Variants in PSMD1 observed in about 807,000 individuals in gnomAD.
The protein encoded by PSMD1 is proteasome 26S subunit, non-ATPase 1, also known as 26S proteasome non-ATPase regulatory subunit 1.
Under a neutral mutation model 119.0 loss-of-function variants are expected in PSMD1, and 18 were observed. That is an observed-to-expected ratio of 0.15 (90% CI 0.10 to 0.22). The LOEUF is 0.22. Ranked by LOEUF, PSMD1 falls within the 10% of genes least tolerant of loss-of-function variation. PSMD1 has a pLI of 1.00. For missense variants in PSMD1, 702 were observed against 1,158.5 expected, an observed-to-expected ratio of 0.61 and a Z score of 5.72; for synonymous variants, 374 against 396.6, an observed-to-expected ratio of 0.94 and a Z score of 0.68.
At chr2:231,131,405 A>T (rs925624040) in intron 16 of PSMD1, among the ~76,000 whole-genome samples, 2 of 152,236 alleles carry the variant, frequency 1.3e-5, no homozygotes, top group African/African-American at 2.4e-5. Flanking sequence ...GTGTATATAT[A>T]AAGATTAATG....
intron 21 of PSMD1, 39 bp from the exon 22 acceptor site, chr2:231,165,161 G>C (rs1553570054): frequency 1.3e-6 from 2 of 1,521,406 alleles, no homozygotes; most frequent in Non-Finnish European, 1.8e-6. Context: ...TTGTATGTCA[G>C]TAAGGGATTA....
In PSMD1 at chr2:231,158,852, G is replaced by A. The variant is rs954547220; in HGVS notation, c.2219-2488G>A. Among the ~76,000 whole-genome samples, 6 of 152,102 alleles carry A rather than the reference G, an allele frequency of 3.9e-5. No individual in the cohort carries two copies. The East Asian group carries it at 1.2e-3, about 29-fold the overall frequency. Reference sequence around the variant, plus strand: ...ATATAGTTAGCATTCAGTGAATGGGGGTTAGCGTAGGGAAGAGTACAAGTA... The same window carrying A: ...ATATAGTTAGCATTCAGTGAATGGGAGTTAGCGTAGGGAAGAGTACAAGTA... On this transcript the variant is annotated intron_variant, in intron 19 of 24. Transcript: ENST00000308696.
rs375034521 is a variant in PSMD1 at position 231,157,769 on chromosome 2, G to A, written c.2219-3571G>A. Among the ~76,000 whole-genome samples, 18 of 151,822 alleles carry A rather than the reference G, an allele frequency of 1.2e-4. No homozygotes were observed. In the East Asian group the frequency reaches 2.6e-3, roughly 22 times the overall value. On this transcript the variant is annotated intron_variant, in intron 19 of 24. Transcript: ENST00000308696. ...TTTAGTGGAGACTAGGTTTCACCGT[G>A]TTGCCTAGGCTGGTCGCAAACTCCT...
At chr2:231,143,856 A>AATC (rs1380315384) in intron 17 of PSMD1, among the ~76,000 whole-genome samples, 1 of 152,198 alleles carries the variant, frequency 6.6e-6, no homozygotes, top group African/African-American at 2.4e-5. Flanking sequence ...AATACTGATA[A>AATC]ATATTTTGGA....
intron 9 of PSMD1, among the ~76,000 whole-genome samples, chr2:231,077,736 T>C (rs1468398452): frequency 1.3e-5 from 2 of 152,198 alleles, no homozygotes; most frequent in African/African-American, 2.4e-5. Context: ...TAAAAAGATA[T>C]ATAACATGAA....
intron 16 of PSMD1, among the ~76,000 whole-genome samples, chr2:231,107,008 G>A (rs539031799): frequency 3.9e-5 from 6 of 151,974 alleles, no homozygotes; most frequent in Non-Finnish European, 7.4e-5. Context: ...AATAGAGAAT[G>A]ATTTTTTTTT....
In PSMD1 at chr2:231,072,520, C is replaced by T. The variant is rs530412126; in HGVS notation, c.881+105C>T. 14 of 1,002,928 alleles carry T rather than the reference C, an allele frequency of 1.4e-5. No individual in the cohort carries two copies. The East Asian group carries it at 2.8e-4, about 20-fold the overall frequency. The allele number at this position is 1,002,928 out of a possible 1,614,324, so 62.1% of individuals were successfully genotyped here. On this transcript the variant is annotated intron_variant, in intron 7 of 24. Transcript: ENST00000308696. The stretch of plus-strand genomic sequence containing the variant: ...AGCATATTCTAAGAATAAATTTTGC[C>T]ACTAGCTTTCATAGATTGTAAAGTC...
Position 231,080,161 on chromosome 2 carries a change from A to G in PSMD1, c.1260A>G (p.Leu420=), listed in dbSNP as rs1342503789. The G allele has an allele frequency of 1.2e-6, 2 of 1,611,902 alleles. No homozygotes were observed. The highest frequency in any genetic ancestry group is 1.7e-6 in the Non-Finnish European group (2 of 1,179,214). The change falls in exon 12 of 25, where the codon TTA becomes TTG. Residue 420 remains leucine (L), a synonymous_variant. Transcript: ENST00000308696. Reference sequence around the variant, plus strand: ...TACAGGGTCATGAAAAAGAAGCATTACAGTTAATGGCAACATACCTTCCCA... The same window carrying G: ...TACAGGGTCATGAAAAAGAAGCATTGCAGTTAATGGCAACATACCTTCCCA... ...VIHKGHEKEA[L]QLMATYLPKD... is the part of the protein sequence containing the mutation.
chr2:231,092,129 T>C (rs1694612121), intron 16 of PSMD1, among the ~76,000 whole-genome samples: 1 of 152,220 alleles, frequency 6.6e-6, no homozygotes, highest in African/African-American at 2.4e-5. Context: ...ATAAAGGTTT[T>C]ATAAGTGTGC....
chr2:231,061,167 A>G, intron 1 of PSMD1, 100 bp from the exon 2 acceptor site: 3 of 873,382 alleles, frequency 3.4e-6, no homozygotes, highest in South Asian at 1.7e-5. Flanking sequence ...TTACGCCTCA[A>G]AAAAATTGTT....
chr2:231,101,805 G>A (rs2125194800), intron 16 of PSMD1, among the ~76,000 whole-genome samples: 1 of 152,240 alleles, frequency 6.6e-6, no homozygotes, highest in Middle Eastern at 3.4e-3. Context: ...GCACTTTTTA[G>A]CTATAAAGGT....
Position 231,072,399 on chromosome 2 carries a change from G to C in PSMD1, c.865G>C (p.Gly289Arg), listed in dbSNP as rs1694063064. 4 of 1,611,300 alleles carry C rather than the reference G, an allele frequency of 2.5e-6. No individual in the cohort carries two copies. The highest frequency in any genetic ancestry group is 3.4e-6 in the Non-Finnish European group (4 of 1,177,664). The change falls in exon 7 of 25, where the codon GGA becomes CGA. Residue 289 changes from glycine to arginine, a missense_variant. Gly to Arg is a moderately radical substitution (Grantham distance 125). Transcript: ENST00000308696. ...ATCCACTAATACGGGTACTGTTCCG[G>C]GATCAGAGAAAGACAGGTATAAGTA... is the stretch of plus-strand genomic sequence containing the variant. Reference protein sequence around the residue: ...PGSTNTGTVPGSEKDSDSMET... With the variant: ...PGSTNTGTVPRSEKDSDSMET...
intron 12 of PSMD1, among the ~76,000 whole-genome samples, chr2:231,080,914 G>T (rs1320186451): frequency 6.6e-6 from 1 of 152,006 alleles, no homozygotes; most frequent in East Asian, 1.9e-4. Flanking sequence ...AGGCCGAGGC[G>T]GGTGGATCAC....
chr2:231,088,814 A>G (rs977193455), intron 16 of PSMD1, among the ~76,000 whole-genome samples: 3 of 152,294 alleles, frequency 2.0e-5, no homozygotes, highest in Admixed American at 1.3e-4. Context: ...TAAATCAAAA[A>G]CTAGAAATGA....
At chr2:231,098,025 C>T (rs140740236) in intron 16 of PSMD1, among the ~76,000 whole-genome samples, 1 of 152,200 alleles carries the variant, frequency 6.6e-6, no homozygotes, top group Non-Finnish European at 1.5e-5. Flanking sequence ...TCCTCCCTGT[C>T]GTGAGAGACA....
At position 231,070,313 on chromosome 2, in the gene PSMD1, A is replaced by G. The variant is rs1019015708; in HGVS notation, c.654+145A>G. 67 of 639,056 alleles carry G rather than the reference A, an allele frequency of 1.0e-4. No homozygotes were observed. The African/African-American group carries it at 1.2e-3, about 11-fold the overall frequency. The allele number at this position is 639,056 out of a possible 1,614,324, so 39.6% of individuals were successfully genotyped here. A position where few individuals can be genotyped will look rare whatever the true frequency, so the allele number is the denominator to read the frequency against. ...TCTTCACAGCAGCCCTGTGAAAATA[A>G]GGTATGTGCTTTATATTCCTTTTTA... On this transcript the variant is annotated intron_variant, in intron 6 of 24. Coordinates refer to ENST00000308696, the MANE Select transcript of PSMD1 (RefSeq NM_002807.4).
At chr2:231,065,009 T>C (rs149379461) in intron 4 of PSMD1, among the ~76,000 whole-genome samples, 2 of 151,410 alleles carry the variant, frequency 1.3e-5, no homozygotes, top group East Asian at 3.9e-4. Context: ...TCCAGCTGAA[T>C]CTTGAATGTA....
intron 22 of PSMD1, among the ~76,000 whole-genome samples, chr2:231,165,555 C>T (rs1451564138): frequency 6.6e-6 from 1 of 152,158 alleles, no homozygotes; most frequent in Non-Finnish European, 1.5e-5. Flanking sequence ...AGGTTTTTCA[C>T]AGACAAGATG....
chr2:231,099,988 G>GTTTTTTA (rs1345273347), intron 16 of PSMD1, among the ~76,000 whole-genome samples: 3 of 152,092 alleles, frequency 2.0e-5, no homozygotes, highest in Non-Finnish European at 4.4e-5. Flanking sequence ...TTGCTGGCCA[G>GTTTTTTA]TTTTTTATTT....
Sources: allele counts gnomAD v4.1 joint callset (sites outside exome capture counted in the v4.1 genomes callset), GRCh38; gene constraint gnomAD v4.1.1; transcripts MANE v1.5; gene names NCBI Gene and HGNC (gene_info 2026-07-23, HGNC 2026-07-21).